The following NALF1 variants were observed in gnomAD, a reference collection of about 807,000 sequenced individuals.
The protein encoded by NALF1 is NALCN channel auxiliary factor 1, also known as family with sequence similarity 155 member A.
A neutral mutation model predicts 48.4 loss-of-function variants in NALF1; 3 were observed. That is an observed-to-expected ratio of 0.06 (90% confidence interval 0.03 to 0.16). The LOEUF is 0.16. Among genes scored for constraint, NALF1 ranks in the 10% least tolerant of loss-of-function variants. NALF1 has a pLI of 1.00. For synonymous variants in NALF1, 262 were observed against 245.7 expected, an observed-to-expected ratio of 1.07 and a Z score of -0.62; for missense variants, 526 against 571.5, an observed-to-expected ratio of 0.92 and a Z score of 0.81.
At chr13:107,709,123 G>C (rs1001213039) in intron 1 of NALF1, among the ~76,000 whole-genome samples, 1 of 152,200 alleles carries the variant, frequency 6.6e-6, no homozygotes, top group South Asian at 2.1e-4. Flanking sequence ...CAGTTGTGTT[G>C]AAAGAGAACT....
intron 1 of NALF1, among the ~76,000 whole-genome samples, chr13:107,829,525 T>G (rs1879644044): frequency 6.6e-6 from 1 of 152,144 alleles, no homozygotes; most frequent in Admixed American, 6.5e-5. Flanking sequence ...TCAAATTCTT[T>G]CAGACAAAGG....
chr13:107,210,576 C>G lies in NALF1; in HGVS notation c.1087+8G>C, dbSNP rs1390617138. On this transcript the variant is annotated splice_region_variant and intron_variant, in intron 2 of 2. Coordinates refer to ENST00000375915, the MANE Select transcript of NALF1 (RefSeq NM_001080396.3). ...GACTGGTGTACAGACTCCCACCCGG[C>G]ACTGTACCTGTACAGATGAAACTGG... 6.2e-7 allele frequency: 1 copy of G among 1,601,872 alleles called. No individual in the cohort carries two copies. Among genetic ancestry groups the G allele is most frequent in the Non-Finnish European group, 8.6e-7 (1 of 1,169,356 alleles).
chr13:107,690,747 G>A (rs1470916561), intron 1 of NALF1, among the ~76,000 whole-genome samples: 3 of 152,142 alleles, frequency 2.0e-5, no homozygotes, highest in South Asian at 2.1e-4. Context: ...CCAAAGGATC[G>A]AATGATGCAT....
intron 1 of NALF1, among the ~76,000 whole-genome samples, chr13:107,488,713 C>A: frequency 6.6e-6 from 1 of 152,088 alleles, no homozygotes. Context: ...AAAACTGGCA[C>A]AAGAGAAGAA....
At chr13:107,654,689 CA>C (rs967848616) in intron 1 of NALF1, among the ~76,000 whole-genome samples, 117 of 142,000 alleles carry the variant, frequency 8.2e-4, no homozygotes, top group Non-Finnish European at 1.5e-3. Context: ...AAGGACATAA[CA>C]AAAAAAAAAG....
At chr13:107,402,846 C>A (rs1883832297) in intron 1 of NALF1, among the ~76,000 whole-genome samples, 1 of 152,084 alleles carries the variant, frequency 6.6e-6, no homozygotes, top group Non-Finnish European at 1.5e-5. Context: ...TCTGAAATTA[C>A]CACTATTAAA....
intron 1 of NALF1, among the ~76,000 whole-genome samples, chr13:107,345,381 C>T (rs1882753376): frequency 6.6e-6 from 1 of 152,070 alleles, no homozygotes; most frequent in Non-Finnish European, 1.5e-5. Context: ...AAGCTGGAGG[C>T]CTCACACTTT....
intron 1 of NALF1, among the ~76,000 whole-genome samples, chr13:107,263,686 T>C (rs773661236): frequency 3.3e-4 from 50 of 152,166 alleles, no homozygotes; most frequent in Non-Finnish European, 5.7e-4. Context: ...TCCACCATGA[T>C]TGTGATGCCT....
intron 1 of NALF1, among the ~76,000 whole-genome samples, chr13:107,754,123 C>T (rs1237187001): frequency 2.6e-5 from 4 of 152,100 alleles, no homozygotes; most frequent in Non-Finnish European, 4.4e-5. Context: ...AGGTGTGATA[C>T]AAATAAGTCG....
intron 1 of NALF1, among the ~76,000 whole-genome samples, chr13:107,378,344 T>A: frequency 6.6e-6 from 1 of 152,212 alleles, no homozygotes. Context: ...TAGTGAATAG[T>A]GGTTATTACA....
At chr13:107,463,136 A>C (rs1379573153) in intron 1 of NALF1, among the ~76,000 whole-genome samples, 1 of 152,240 alleles carries the variant, frequency 6.6e-6, no homozygotes, top group East Asian at 1.9e-4. Context: ...GTATCTACTA[A>C]TACCAGATAC....
At chr13:107,511,332 T>G (rs1446821701) in intron 1 of NALF1, among the ~76,000 whole-genome samples, 3 of 152,190 alleles carry the variant, frequency 2.0e-5, no homozygotes, top group Non-Finnish European at 4.4e-5. Flanking sequence ...TTGGGGTCAC[T>G]AGAAACTCAA....
chr13:107,375,721 T>C (rs1353884402), intron 1 of NALF1, among the ~76,000 whole-genome samples: 1 of 152,152 alleles, frequency 6.6e-6, no homozygotes, highest in Non-Finnish European at 1.5e-5. Context: ...TTGAAGAAAG[T>C]ATCAACACAG....
intron 1 of NALF1, among the ~76,000 whole-genome samples, chr13:107,445,425 C>T (rs1328295280): frequency 6.6e-6 from 1 of 152,134 alleles, no homozygotes; most frequent in Non-Finnish European, 1.5e-5. Flanking sequence ...CTTTCTATTG[C>T]CTAGTATGGA....
intron 1 of NALF1, among the ~76,000 whole-genome samples, chr13:107,641,348 G>C (rs754825043): frequency 2.6e-5 from 4 of 152,150 alleles, no homozygotes; most frequent in Non-Finnish European, 5.9e-5. Context: ...CAGCACAGTA[G>C]AGAGACAACA....
At chr13:107,480,675 C>T (rs1192455566) in intron 1 of NALF1, among the ~76,000 whole-genome samples, 1 of 152,116 alleles carries the variant, frequency 6.6e-6, no homozygotes, top group African/African-American at 2.4e-5. Context: ...GGGATACATG[C>T]GGCCCACGGG....
intron 1 of NALF1, among the ~76,000 whole-genome samples, chr13:107,594,300 G>A (rs763830245): frequency 5.3e-5 from 8 of 151,974 alleles, no homozygotes; most frequent in Non-Finnish European, 1.2e-4. Context: ...GTGAAAATTA[G>A]GCACTCAACA....
intron 1 of NALF1, among the ~76,000 whole-genome samples, chr13:107,423,910 C>T (rs572857852): frequency 2.6e-5 from 4 of 152,144 alleles, no homozygotes; most frequent in South Asian, 4.2e-4. Context: ...AAATTATTTA[C>T]TTGCAAGACA....
At chr13:107,357,808 A>G (rs1419430025) in intron 1 of NALF1, among the ~76,000 whole-genome samples, 1 of 152,186 alleles carries the variant, frequency 6.6e-6, no homozygotes, top group African/African-American at 2.4e-5. Context: ...TAACACATGG[A>G]CATAAATTAG....
Sources: allele counts gnomAD v4.1 joint callset (sites outside exome capture counted in the v4.1 genomes callset), GRCh38; gene constraint gnomAD v4.1.1; transcripts MANE v1.5; gene names NCBI Gene and HGNC (gene_info 2026-07-23, HGNC 2026-07-21).